Variants in PTPRT observed in about 807,000 individuals in gnomAD.
The protein encoded by PTPRT is receptor-type tyrosine-protein phosphatase T.
In PTPRT, 56 loss-of-function variants were observed where a neutral mutation model predicts 176.8. The observed-to-expected ratio is 0.32, with a 90% CI of 0.26 to 0.40. PTPRT has a LOEUF of 0.40. Among genes scored for constraint, PTPRT ranks in the 10% least tolerant of loss-of-function variants. The pLI, the probability that PTPRT is intolerant of heterozygous loss-of-function variation, is 1.00. For synonymous variants in PTPRT, 783 were observed against 739.0 expected (o/e 1.06, Z -0.96); for missense variants, 1,540 against 1,908.2 (o/e 0.81, Z 3.60).
At chr20:42,705,420 C>A (rs879348856) in intron 6 of PTPRT, among the ~76,000 whole-genome samples, 1 of 28,476 alleles carries the variant, frequency 3.5e-5, no homozygotes, top group African/African-American at 1.4e-4. Context: ...TTCACAAGGG[C>A]GGGGTGGGGG....
At chr20:42,558,613 C>T (rs553634556) in intron 7 of PTPRT, among the ~76,000 whole-genome samples, 1 of 151,864 alleles carries the variant, frequency 6.6e-6, no homozygotes, top group African/African-American at 2.4e-5. Context: ...CTTGACAAAC[C>T]CATAAAGAAG....
chr20:43,097,381 A>G (rs1218644146), intron 1 of PTPRT, among the ~76,000 whole-genome samples: 1 of 152,220 alleles, frequency 6.6e-6, no homozygotes, highest in African/African-American at 2.4e-5. Flanking sequence ...ACAAGCCCCA[A>G]CAAAATGGTG....
chr20:42,351,131 A>G (rs996606720), intron 10 of PTPRT, among the ~76,000 whole-genome samples: 9 of 149,396 alleles, frequency 6.0e-5, no homozygotes, highest in African/African-American at 1.5e-4. Flanking sequence ...TTTTTCCTTC[A>G]TGAGACCTCC....
At chr20:42,481,972 T>C (rs778870860) in intron 7 of PTPRT, among the ~76,000 whole-genome samples, 2 of 152,082 alleles carry the variant, frequency 1.3e-5, no homozygotes, top group Non-Finnish European at 2.9e-5. Context: ...TAGCTCTCAA[T>C]AGCTTGACCA....
intron 2 of PTPRT, among the ~76,000 whole-genome samples, chr20:42,824,523 A>T (rs1372961724): frequency 1.3e-5 from 2 of 152,068 alleles, no homozygotes; most frequent in Non-Finnish European, 2.9e-5. Flanking sequence ...GAAAGGCTAA[A>T]CTATTAATTC....
At chr20:42,522,804 T>C (rs1330682757) in intron 7 of PTPRT, among the ~76,000 whole-genome samples, 1 of 152,176 alleles carries the variant, frequency 6.6e-6, no homozygotes, top group Admixed American at 6.5e-5. Context: ...TTATTTCGAT[T>C]ATCTTCTGTC....
chr20:42,443,404 C>A (rs762806865), intron 9 of PTPRT, among the ~76,000 whole-genome samples: 9 of 152,194 alleles, frequency 5.9e-5, no homozygotes, highest in Non-Finnish European at 8.8e-5. Flanking sequence ...AGTTTGTGGA[C>A]ACAAGGCCGT....
intron 1 of PTPRT, among the ~76,000 whole-genome samples, chr20:43,135,622 G>T (rs2013806342): frequency 6.6e-6 from 1 of 151,964 alleles, no homozygotes; most frequent in African/African-American, 2.4e-5. Context: ...AAGAATAAAG[G>T]GACTGTTACA....
intron 1 of PTPRT, among the ~76,000 whole-genome samples, chr20:43,123,427 A>G (rs1415341543): frequency 6.6e-6 from 1 of 152,148 alleles, no homozygotes; most frequent in African/African-American, 2.4e-5. Context: ...CACCATGACT[A>G]CTTTCTGAGC....
At chr20:43,038,458 T>C (rs1387080967) in intron 1 of PTPRT, among the ~76,000 whole-genome samples, 1 of 152,074 alleles carries the variant, frequency 6.6e-6, no homozygotes, top group Non-Finnish European at 1.5e-5. Context: ...AACCTAGAAA[T>C]AGCATGCGAG....
chr20:43,085,120 G>T (rs2011568320), intron 1 of PTPRT, among the ~76,000 whole-genome samples: 1 of 152,150 alleles, frequency 6.6e-6, no homozygotes, highest in Non-Finnish European at 1.5e-5. Flanking sequence ...GTAACTGTTG[G>T]TTTTATTAAA....
At chr20:43,154,699 A>G (rs1442060299) in intron 1 of PTPRT, among the ~76,000 whole-genome samples, 1 of 152,186 alleles carries the variant, frequency 6.6e-6, no homozygotes, top group Non-Finnish European at 1.5e-5. Context: ...TCAAAAGCAA[A>G]TGGAATTGCA....
intron 12 of PTPRT, among the ~76,000 whole-genome samples, chr20:42,314,543 G>GA (rs1555822140): frequency 7.6e-5 from 9 of 119,204 alleles, no homozygotes; most frequent in African/African-American, 2.9e-4. Flanking sequence ...AAAAAAAAAA[G>GA]AAAGAAAAGA....
chr20:42,748,306 GCT>G (rs1048466110), intron 6 of PTPRT, among the ~76,000 whole-genome samples: 1 of 152,130 alleles, frequency 6.6e-6, no homozygotes, highest in Middle Eastern at 3.2e-3. Flanking sequence ...GTTAGCCCAG[GCT>G]CTCTGATACC....
At chr20:42,609,135 G>A (rs560082589) in intron 7 of PTPRT, among the ~76,000 whole-genome samples, 10 of 152,128 alleles carry the variant, frequency 6.6e-5, no homozygotes, top group South Asian at 2.1e-4. Context: ...GTGAAGTGGC[G>A]TGATCTTGGC....
chr20:42,084,567 T>C, intron 29 of PTPRT, 115 bp downstream of exon 29: 1 of 918,368 alleles, frequency 1.1e-6, no homozygotes, highest in African/African-American at 1.7e-5. Context: ...TGAGGGATGT[T>C]GAGTTGTGGT....
intron 2 of PTPRT, among the ~76,000 whole-genome samples, chr20:42,879,756 T>TGTGTGTGTGC (rs1491233904): frequency 7.1e-6 from 1 of 140,850 alleles, no homozygotes; most frequent in African/African-American, 2.8e-5. Flanking sequence ...TGTGTGTGTG[T>TGTGTGTGTGC]GCGCGTGTGT....
chr20:42,282,766 C>T (rs2057161931), intron 12 of PTPRT, among the ~76,000 whole-genome samples: 1 of 152,086 alleles, frequency 6.6e-6, no homozygotes, highest in African/African-American at 2.4e-5. Context: ...CCTACCATCT[C>T]ATAAACCTCA....
chr20:42,244,990 C>T (rs182720549), intron 14 of PTPRT, among the ~76,000 whole-genome samples: 51 of 152,212 alleles, frequency 3.4e-4, no homozygotes, highest in Non-Finnish European at 6.0e-4. Context: ...AGGCAAGGGA[C>T]GAAGATGATC....
Sources: allele counts gnomAD v4.1 joint callset (sites outside exome capture counted in the v4.1 genomes callset), GRCh38; gene constraint gnomAD v4.1.1; transcripts MANE v1.5; gene names NCBI Gene and HGNC (gene_info 2026-07-23, HGNC 2026-07-21).